The following ATG101 variants were observed in gnomAD, a reference collection of about 807,000 sequenced individuals.
The protein encoded by ATG101 is autophagy related 101.
Under a neutral mutation model 16.7 loss-of-function variants are expected in ATG101, and 6 were observed. That is an observed-to-expected ratio of 0.36 (90% CI 0.20 to 0.71). The LOEUF (loss-of-function observed/expected upper bound fraction) is 0.71, where lower values mean the gene tolerates loss of function less well. Among genes scored for constraint, ATG101 ranks in the 30% least tolerant of loss-of-function variants. The probability of loss-of-function intolerance (pLI) is 0.57; values close to 1 mark genes in which losing one functional copy is unlikely to be tolerated. For missense variants in ATG101, 200 were observed against 292.5 expected (o/e 0.68, Z 2.31); for synonymous variants, 108 against 118.1 (o/e 0.91, Z 0.56).
In ATG101 at chr12:52,077,111, C is replaced by T; in HGVS notation, c.578C>T (p.Ser193Phe). 1.2e-6 allele frequency: 2 copies of T among 1,614,202 alleles called. No homozygotes were observed. Among genetic ancestry groups the T allele is most frequent in the Non-Finnish European group, 1.7e-6 (2 of 1,180,030 alleles). ...GTGCAGCCCTACCTGTACAAGATCTCCTTCCAGATCACTGATGCCCTGGGC... is the reference window on the plus strand; with the variant it reads ...GTGCAGCCCTACCTGTACAAGATCTTCTTCCAGATCACTGATGCCCTGGGC... ...RDVQPYLYKISFQITDALGTS... is the reference protein window; with the variant it reads ...RDVQPYLYKIFFQITDALGTS... Residue 193 changes from serine (S) to phenylalanine (F), a missense_variant, in exon 4 of 4, where the codon TCC becomes TTC. Coordinates refer to ENST00000336854, the MANE Select transcript of ATG101 (RefSeq NM_021934.5).
chr12:52,073,204 T>C (rs1939677325), intron 2 of ATG101, among the ~76,000 whole-genome samples: 7 of 152,268 alleles, frequency 4.6e-5, no homozygotes, highest in Admixed American at 4.6e-4. Context: ...CTTTCTGTAC[T>C]TCTTACTCCC....
chr12:52,065,575 T>C (rs1766829914), upstream of ATG101, among the ~76,000 whole-genome samples: 1 of 152,142 alleles, frequency 6.6e-6, no homozygotes, highest in African/African-American at 2.4e-5. Context: ...AGAATTTCCC[T>C]GTAAGAATTC....
At chr12:52,069,022 A>AAAAAAAAAC (rs1939592238), upstream of ATG101, among the ~76,000 whole-genome samples, 1 of 140,648 alleles carries the variant, frequency 7.1e-6, no homozygotes, top group Non-Finnish European at 1.5e-5. Flanking sequence ...AAAAAAAAAA[A>AAAAAAAAAC]TACTGCCTCC....
At position 52,077,282 on chromosome 12, in the gene ATG101, CT is replaced by C; in HGVS notation, c.*93del. The C allele has an allele frequency of 7.1e-7, 1 of 1,418,268 alleles. No homozygotes were observed. The highest frequency in any genetic ancestry group is 1.3e-5 in the South Asian group (1 of 74,210). The allele number at this position is 1,418,268 out of a possible 1,614,324, so 87.9% of individuals were successfully genotyped here. A position where few individuals can be genotyped will look rare whatever the true frequency, so the allele number is the denominator to read the frequency against. On this transcript the variant is annotated 3_prime_UTR_variant, in exon 4 of 4. Coordinates refer to ENST00000336854, the MANE Select transcript of ATG101 (RefSeq NM_021934.5). ...GGGCCTTTGGGCTCTGGAACCTGCT[CT>C]GGGTCATTGGTGAGACTTGGAAGGG...
chr12:52,074,839 G>C (rs953758146), intron 3 of ATG101, among the ~76,000 whole-genome samples: 2 of 152,170 alleles, frequency 1.3e-5, no homozygotes, highest in Non-Finnish European at 2.9e-5. Flanking sequence ...CATGCCTCTA[G>C]TTCCAGACGC....
chr12:52,074,088 C>CGA (rs1565661984), intron 3 of ATG101, among the ~76,000 whole-genome samples, 186 bp downstream of exon 3: 2 of 138,936 alleles, frequency 1.4e-5, no homozygotes, highest in African/African-American at 5.1e-5. Context: ...CGCGCGGGCG[C>CGA]GTGTGTGTGT....
upstream of ATG101, among the ~76,000 whole-genome samples, chr12:52,067,821 C>T (rs1001837236): frequency 1.3e-5 from 2 of 151,412 alleles, no homozygotes; most frequent in Non-Finnish European, 2.9e-5. Context: ...GTCTCGAACT[C>T]ATGACCTCAA....
In ATG101 at chr12:52,073,824, C is replaced by T. The variant is rs550218146; in HGVS notation, c.174C>T (p.Asp58=). 32 of 1,614,228 alleles carry T rather than the reference C, an allele frequency of 2.0e-5. No individual in the cohort carries two copies. The Admixed American group carries it at 3.5e-4, about 18-fold the overall frequency. The change falls in exon 3 of 4, where the codon GAC becomes GAT. Residue 58 remains aspartate, a synonymous_variant. Coordinates refer to ENST00000336854, the MANE Select transcript of ATG101 (RefSeq NM_021934.5). ...GTVGTQDVDC[D]FIDFTYVRVS... ...TGGGCACCCAGGATGTTGACTGTGACTTCATCGACTTCACTTATGTGCGTG... is the reference window on the plus strand; with the variant it reads ...TGGGCACCCAGGATGTTGACTGTGATTTCATCGACTTCACTTATGTGCGTG...
At chr12:52,076,446 G>T (rs1939731758) in intron 3 of ATG101, among the ~76,000 whole-genome samples, 1 of 152,222 alleles carries the variant, frequency 6.6e-6, no homozygotes, top group Admixed American at 6.5e-5. Flanking sequence ...AGCTGATGGG[G>T]TTGTTGGGAG....
intron 3 of ATG101, among the ~76,000 whole-genome samples, chr12:52,075,523 A>G (rs1939718402): frequency 6.6e-6 from 1 of 152,256 alleles, no homozygotes; most frequent in Non-Finnish European, 1.5e-5. Flanking sequence ...TAGCCATTCA[A>G]GGTTACTTGA....
chr12:52,076,124 C>T (rs1177022358), intron 3 of ATG101, among the ~76,000 whole-genome samples: 2 of 152,116 alleles, frequency 1.3e-5, no homozygotes, highest in Non-Finnish European at 2.9e-5. Context: ...CTCCACTGCC[C>T]TCCAGCCTGG....
chr12:52,073,661 G>A lies in ATG101; in HGVS notation c.11G>A (p.Arg4His), dbSNP rs751591793. 1.4e-5 allele frequency: 23 copies of A among 1,613,054 alleles called. No homozygotes were observed. The highest frequency in any genetic ancestry group is 3.4e-6 in the Non-Finnish European group (4 of 1,179,450). Reference protein sequence around the residue: MNCRSEVLEVSVEG... With the variant: MNCHSEVLEVSVEG... ...GTTACTGGGTGCAGGATGAACTGTC[G>A]CTCGGAGGTGCTGGAGGTGTCGGTG... The change falls in exon 3 of 4, where the codon CGC becomes CAC. Residue 4 changes from arginine (R) to histidine (H), a missense_variant. Physicochemically the swap from Arg to His is conservative, Grantham distance 29. Transcript: ENST00000336854.
chr12:52,073,517 T>C, intron 2 of ATG101, 58 bp from the exon 3 acceptor site: 2 of 1,184,666 alleles, frequency 1.7e-6, no homozygotes, highest in Non-Finnish European at 1.2e-6. Flanking sequence ...TAGAAGGAAG[T>C]GAACAGATAA....
upstream of ATG101, among the ~76,000 whole-genome samples, chr12:52,065,979 G>C (rs1280554127): frequency 1.3e-5 from 2 of 152,206 alleles, no homozygotes; most frequent in Non-Finnish European, 2.9e-5. Context: ...CCGGGTTCAA[G>C]TAATTCTCCT....
upstream of ATG101, among the ~76,000 whole-genome samples, chr12:52,066,566 A>G (rs1210642393): frequency 6.6e-6 from 1 of 152,228 alleles, no homozygotes; most frequent in Admixed American, 6.5e-5. Context: ...TAAGCATCAC[A>G]GGAAACCACT....
chr12:52,073,574 G>T lies in ATG101; in HGVS notation c.-76-1G>T. The T allele has an allele frequency of 6.5e-7, 1 of 1,543,358 alleles. No individual in the cohort carries two copies. The highest frequency in any genetic ancestry group is 1.2e-5 in the South Asian group (1 of 82,154). ...CATTCTGACCTGGGCTCCTTTTGCA[G>T]GGTGGCCCTTGGGTAGGGTGAAGAT... is the stretch of plus-strand genomic sequence containing the variant. On this transcript the variant is annotated splice_acceptor_variant, in intron 2 of 3. Coordinates refer to ENST00000336854, the MANE Select transcript of ATG101 (RefSeq NM_021934.5). LOFTEE classifies it low-confidence loss of function (5UTR_SPLICE).
intron 2 of ATG101, among the ~76,000 whole-genome samples, chr12:52,073,249 T>TG (rs1201759380): frequency 1.2e-4 from 19 of 152,244 alleles, no homozygotes; most frequent in African/African-American, 3.4e-4. Context: ...AATGTTTAGT[T>TG]GCGTGCTTTT....
chr12:52,073,592 G>T lies in ATG101; in HGVS notation c.-59G>T, dbSNP rs1466584455. ...TTTTGCAGGGTGGCCCTTGGGTAGG[G>T]TGAAGATCCCCTGTCTTTATCCTAG... On this transcript the variant is annotated 5_prime_UTR_variant, in exon 3 of 4. Transcript: ENST00000336854. 2 of 1,578,584 alleles carry T rather than the reference G, an allele frequency of 1.3e-6. No individual in the cohort carries two copies. The highest frequency in any genetic ancestry group is 2.3e-5 in the East Asian group (1 of 44,346).
intron 3 of ATG101, 96 bp downstream of exon 3, chr12:52,073,998 C>T (rs1939693294): frequency 6.6e-7 from 1 of 1,508,594 alleles, no homozygotes; most frequent in Non-Finnish European, 9.1e-7. Context: ...TTGAACCAGC[C>T]TTCTCTTCCT....
Sources: allele counts gnomAD v4.1 joint callset (sites outside exome capture counted in the v4.1 genomes callset), GRCh38; gene constraint gnomAD v4.1.1; transcripts MANE v1.5; gene names NCBI Gene and HGNC (gene_info 2026-07-23, HGNC 2026-07-21).